The following ASPRV1 variants were observed in gnomAD, a reference collection of about 807,000 sequenced individuals.
ASPRV1 encodes the protein retroviral-like aspartic protease 1.
A neutral mutation model predicts 11.0 loss-of-function variants in ASPRV1; 7 were observed. The observed-to-expected ratio is 0.64, with a 90% confidence interval of 0.36 to 1.20. The LOEUF is 1.20. Ranked by LOEUF, ASPRV1 falls within the 50% of genes most tolerant of loss-of-function variation. The pLI, the probability that ASPRV1 is intolerant of heterozygous loss-of-function variation, is 0.02. For synonymous variants in ASPRV1, 136 were observed against 138.4 expected, an observed-to-expected ratio of 0.98 and a Z score of 0.12; for missense variants, 299 against 320.0, an observed-to-expected ratio of 0.93 and a Z score of 0.50.
At chr2:70,051,294 AC>A in the ASPRV1 span, 1 of 152,214 alleles carries the variant, frequency 6.6e-6, no homozygotes, top group African/African-American at 2.4e-5. Context: ...GTGTTACAAG[AC>A]CACGTCTCAC....
chr2:70,026,910 A>C, the ASPRV1 span, among the ~76,000 whole-genome samples: 5 of 152,164 alleles, frequency 3.3e-5, no homozygotes, highest in African/African-American at 1.2e-4. Flanking sequence ...CTGAGCAGAA[A>C]GAACAAAACT....
At chr2:69,980,290 T>A in the ASPRV1 span, among the ~76,000 whole-genome samples, 2 of 152,148 alleles carry the variant, frequency 1.3e-5, no homozygotes, top group Non-Finnish European at 2.9e-5. Context: ...GAAAAGCAAC[T>A]GGCCACCAAA....
At chr2:70,080,221 C>G in the ASPRV1 span, among the ~76,000 whole-genome samples, 1 of 142,984 alleles carries the variant, frequency 7.0e-6, no homozygotes, top group Non-Finnish European at 1.5e-5. Context: ...AGGCTGTGCC[C>G]TGCCCCTTCT....
At chr2:70,072,326 G>A in the ASPRV1 span, among the ~76,000 whole-genome samples, 1 of 152,132 alleles carries the variant, frequency 6.6e-6, no homozygotes, top group African/African-American at 2.4e-5. Context: ...ACTGAGGCAG[G>A]GGGATCACTT....
chr2:69,973,386 G>GT, the ASPRV1 span, among the ~76,000 whole-genome samples: 30 of 148,546 alleles, frequency 2.0e-4, no homozygotes, highest in Middle Eastern at 7.0e-3. Context: ...TTCACTTGTT[G>GT]TTTTTTTTTT....
chr2:70,045,619 A>G, the ASPRV1 span: 1 of 152,150 alleles, frequency 6.6e-6, no homozygotes, highest in Non-Finnish European at 1.5e-5. Context: ...CATAAACAAC[A>G]TTGCTGGGTT....
At chr2:70,086,149 T>C in the ASPRV1 span, 1 of 152,184 alleles carries the variant, frequency 6.6e-6, no homozygotes, top group South Asian at 2.1e-4. Flanking sequence ...TGGGCTTTTT[T>C]AAGTCATAAA....
chr2:69,967,978 A>T, the ASPRV1 span, among the ~76,000 whole-genome samples: 2 of 152,184 alleles, frequency 1.3e-5, no homozygotes, highest in African/African-American at 4.8e-5. Flanking sequence ...GCTATTTGGT[A>T]GGTTGAGGCA....
the ASPRV1 span, chr2:70,019,295 C>T: frequency 6.6e-6 from 1 of 152,148 alleles, no homozygotes; most frequent in Non-Finnish European, 1.5e-5. Context: ...AAAAGGAAAC[C>T]TTTGCACATT....
chr2:70,025,869 T>A, the ASPRV1 span, among the ~76,000 whole-genome samples: 4 of 152,016 alleles, frequency 2.6e-5, no homozygotes, highest in African/African-American at 9.7e-5. Context: ...ACACAATGGG[T>A]TGAAAGAATT....
the ASPRV1 span, among the ~76,000 whole-genome samples, chr2:70,051,958 G>C: frequency 3.3e-5 from 5 of 152,066 alleles, no homozygotes; most frequent in Admixed American, 2.6e-4. Flanking sequence ...GTGGGTGACA[G>C]AGCGAGACCC....
chr2:69,942,568 G>T, the ASPRV1 span: 1 of 152,166 alleles, frequency 6.6e-6, no homozygotes, highest in African/African-American at 2.4e-5. Flanking sequence ...TCTCTGTGGG[G>T]TGGCAAGTTG....
chr2:70,053,167 C>T, the ASPRV1 span, among the ~76,000 whole-genome samples: 1 of 152,100 alleles, frequency 6.6e-6, no homozygotes, highest in African/African-American at 2.4e-5. Context: ...GGAAAGCTGC[C>T]GAGGGTGACC....
chr2:69,989,257 C>T, the ASPRV1 span, among the ~76,000 whole-genome samples: 3 of 152,224 alleles, frequency 2.0e-5, no homozygotes, highest in Non-Finnish European at 4.4e-5. Flanking sequence ...GAAACGGCAC[C>T]TGATTTTGGC....
downstream of ASPRV1, among the ~76,000 whole-genome samples, chr2:69,959,323 C>T (rs1484766235): frequency 6.6e-6 from 1 of 152,164 alleles, no homozygotes; most frequent in Non-Finnish European, 1.5e-5. Context: ...AGAACAGGCT[C>T]GCCCGATGTG....
At chr2:69,945,608 G>A in the ASPRV1 span, among the ~76,000 whole-genome samples, 3 of 152,224 alleles carry the variant, frequency 2.0e-5, no homozygotes, top group Non-Finnish European at 4.4e-5. Context: ...TCAGGCAGAC[G>A]GCAGGGCAGG....
At chr2:69,949,738 T>C in the ASPRV1 span, among the ~76,000 whole-genome samples, 1 of 152,252 alleles carries the variant, frequency 6.6e-6, no homozygotes, top group Non-Finnish European at 1.5e-5. Flanking sequence ...TTTAAATTTC[T>C]AGTTAATTTT....
At chr2:69,988,344 A>G in the ASPRV1 span, 1 of 159,006 alleles carries the variant, frequency 6.3e-6, no homozygotes, top group African/African-American at 2.4e-5. Context: ...GTAAAAAGCA[A>G]TGAAGTTCTG....
chr2:69,996,979 A>G, the ASPRV1 span: 1 of 254,958 alleles, frequency 3.9e-6, no homozygotes, highest in Non-Finnish European at 8.0e-6. Flanking sequence ...GGGTTATTGC[A>G]TGAGAAACAA....
Sources: gnomAD v4.1 joint callset for allele counts (sites outside exome capture counted in the v4.1 genomes callset) on GRCh38, gnomAD v4.1.1 for gene constraint, MANE v1.5 for transcripts, NCBI Gene and HGNC (gene_info 2026-07-23, HGNC 2026-07-21) for gene names.